Variants in CADM2 observed in about 807,000 individuals in gnomAD.
CADM2 encodes cell adhesion molecule 2.
CADM2 carries 12 observed loss-of-function variants against 49.8 expected under a neutral mutation model. The observed-to-expected ratio is 0.24, with a 90% CI of 0.15 to 0.39. The LOEUF (loss-of-function observed/expected upper bound fraction) is 0.39. Among genes scored for constraint, CADM2 ranks in the 10% least tolerant of loss-of-function variants. The pLI, the probability that CADM2 is intolerant of heterozygous loss-of-function variation, is 1.00. For synonymous variants in CADM2, 214 were observed against 175.4 expected (o/e 1.22, Z -1.74); for missense variants, 378 against 492.3 (o/e 0.77, Z 2.20).
chr3:85,992,680 C>A (rs780907150), intron 8 of CADM2: 8 of 152,112 alleles, frequency 5.3e-5, no homozygotes, highest in Non-Finnish European at 1.2e-4. Flanking sequence ...TCCATAAAAA[C>A]AATGTACGTA....
At chr3:85,327,589 C>CCA (rs1553709187) in intron 1 of CADM2, among the ~76,000 whole-genome samples, 27 of 115,276 alleles carry the variant, frequency 2.3e-4, no homozygotes, top group Admixed American at 1.2e-3. Flanking sequence ...CACACACACA[C>CCA]CACACACACA....
intron 7 of CADM2, among the ~76,000 whole-genome samples, chr3:85,939,468 AACACACAC>A (rs373804679): frequency 7.3e-6 from 1 of 137,078 alleles, no homozygotes; most frequent in Middle Eastern, 3.7e-3. Flanking sequence ...AGTAAACGAA[AACACACAC>A]ACACACACAC....
intron 1 of CADM2, among the ~76,000 whole-genome samples, chr3:85,507,678 T>A (rs2040420249): frequency 6.6e-6 from 1 of 152,186 alleles, no homozygotes; most frequent in Non-Finnish European, 1.5e-5. Context: ...TCCATGGTGT[T>A]TAAATGAGAG....
intron 7 of CADM2, among the ~76,000 whole-genome samples, chr3:85,942,999 G>T (rs1356918208): frequency 6.6e-6 from 1 of 152,048 alleles, no homozygotes; most frequent in Admixed American, 6.6e-5. Context: ...AGCACCTGTT[G>T]TTTCCTGACT....
At chr3:85,432,372 G>A (rs1199737141) in intron 1 of CADM2, among the ~76,000 whole-genome samples, 1 of 151,998 alleles carries the variant, frequency 6.6e-6, no homozygotes. Context: ...AACAGACTGA[G>A]GGGCCTGCAT....
At chr3:84,971,509 C>T (rs1197561292) in intron 1 of CADM2, among the ~76,000 whole-genome samples, 1 of 152,094 alleles carries the variant, frequency 6.6e-6, no homozygotes, top group Non-Finnish European at 1.5e-5. Flanking sequence ...CATATCATTT[C>T]ATTTCCATGA....
intron 1 of CADM2, among the ~76,000 whole-genome samples, chr3:85,083,797 A>C (rs2037264814): frequency 6.6e-6 from 1 of 152,134 alleles, no homozygotes; most frequent in African/African-American, 2.4e-5. Context: ...AGCAAAATAG[A>C]GGCATGTAAA....
intron 1 of CADM2, among the ~76,000 whole-genome samples, chr3:85,457,797 T>C (rs2038060692): frequency 6.6e-6 from 1 of 152,174 alleles, no homozygotes; most frequent in South Asian, 2.1e-4. Context: ...TTGTTTTTAT[T>C]TTATGGATAA....
intron 3 of CADM2, among the ~76,000 whole-genome samples, chr3:85,881,897 G>A (rs4091991): frequency 0.044 from 6,719 of 152,116 alleles, 325 homozygotes; most frequent in East Asian, 0.2. Flanking sequence ...TAAGGGGCAC[G>A]CAACCTAGAT....
At chr3:86,043,291 T>A (rs1173048625) in intron 8 of CADM2, among the ~76,000 whole-genome samples, 1 of 152,134 alleles carries the variant, frequency 6.6e-6, no homozygotes, top group African/African-American at 2.4e-5. Flanking sequence ...AGTCAAATTG[T>A]CCCTGTTTGC....
chr3:86,052,847 A>C (rs901646566), intron 8 of CADM2, among the ~76,000 whole-genome samples: 1 of 152,142 alleles, frequency 6.6e-6, no homozygotes, highest in African/African-American at 2.4e-5. Flanking sequence ...TGTTTCTTAC[A>C]AACTTTCTTT....
intron 1 of CADM2, among the ~76,000 whole-genome samples, chr3:85,172,083 C>T (rs2040643781): frequency 6.6e-6 from 1 of 152,074 alleles, no homozygotes; most frequent in Admixed American, 6.5e-5. Flanking sequence ...ATTACTGTGC[C>T]ATTAAGTTAT....
At chr3:85,101,125 G>A (rs983606254) in intron 1 of CADM2, among the ~76,000 whole-genome samples, 6 of 151,980 alleles carry the variant, frequency 3.9e-5, no homozygotes, top group Non-Finnish European at 5.9e-5. Context: ...GTGCTGGTGC[G>A]CACCTGTAAT....
At chr3:85,249,876 A>G (rs1357377405) in intron 1 of CADM2, among the ~76,000 whole-genome samples, 1 of 151,916 alleles carries the variant, frequency 6.6e-6, no homozygotes, top group Non-Finnish European at 1.5e-5. Context: ...CAGTCAGGTT[A>G]CTTACCAGTG....
At chr3:85,324,367 A>C (rs543416594) in intron 1 of CADM2, among the ~76,000 whole-genome samples, 1 of 152,290 alleles carries the variant, frequency 6.6e-6, no homozygotes, top group African/African-American at 2.4e-5. Flanking sequence ...CAAAGCTCTT[A>C]GGCTGTTTCC....
At chr3:85,820,755 A>G (rs1039836658) in intron 3 of CADM2, among the ~76,000 whole-genome samples, 8 of 152,160 alleles carry the variant, frequency 5.3e-5, no homozygotes, top group Non-Finnish European at 8.8e-5. Flanking sequence ...TAAAGATCTT[A>G]AATACAGAGT....
chr3:85,335,103 C>G (rs2045042362), intron 1 of CADM2, among the ~76,000 whole-genome samples: 1 of 151,338 alleles, frequency 6.6e-6, no homozygotes, highest in African/African-American at 2.4e-5. Context: ...CATGTTCGGT[C>G]TTCATGAGAA....
At chr3:85,333,531 T>G (rs2044994513) in intron 1 of CADM2, among the ~76,000 whole-genome samples, 1 of 151,816 alleles carries the variant, frequency 6.6e-6, no homozygotes, top group African/African-American at 2.4e-5. Context: ...GAGTAATTAT[T>G]GTCATCAACT....
chr3:85,848,838 G>T (rs1470904787), intron 3 of CADM2, among the ~76,000 whole-genome samples: 1 of 152,034 alleles, frequency 6.6e-6, no homozygotes, highest in Non-Finnish European at 1.5e-5. Flanking sequence ...TCAGGCACTG[G>T]TCTACTTCAT....
Sources: allele counts gnomAD v4.1 joint callset (sites outside exome capture counted in the v4.1 genomes callset), GRCh38; gene constraint gnomAD v4.1.1; transcripts MANE v1.5; gene names NCBI Gene and HGNC (gene_info 2026-07-23, HGNC 2026-07-21).